The following KYAT1 variants were observed in gnomAD, a reference collection of about 807,000 sequenced individuals.
KYAT1 encodes kynurenine--oxoglutarate transaminase 1.
KYAT1 carries 47 observed loss-of-function variants against 52.4 expected under a neutral mutation model. The ratio of observed to expected loss-of-function variants is 0.90; its 90% CI spans 0.71 to 1.14. The LOEUF is 1.14. Ranked by LOEUF, KYAT1 falls within the 50% of genes most tolerant of loss-of-function variation. The probability of loss-of-function intolerance (pLI) is 0.00; values close to 1 mark genes in which losing one functional copy is unlikely to be tolerated. For synonymous variants in KYAT1, 212 were observed against 209.6 expected, an observed-to-expected ratio of 1.01 and a Z score of -0.10; for missense variants, 480 against 557.9, an observed-to-expected ratio of 0.86 and a Z score of 1.41.
intron 1 of KYAT1, among the ~76,000 whole-genome samples, chr9:128,857,145 C>T (rs1323124543): frequency 1.3e-5 from 2 of 152,268 alleles, no homozygotes; most frequent in Non-Finnish European, 2.9e-5. Context: ...CGTGCACATG[C>T]AGGCATAGTA....
At chr9:128,873,748 G>A (rs1014494811) in intron 1 of KYAT1, among the ~76,000 whole-genome samples, 1 of 151,248 alleles carries the variant, frequency 6.6e-6, no homozygotes, top group African/African-American at 2.4e-5. Context: ...TCCACAGAGC[G>A]AGACTCCATC....
At chr9:128,851,180 G>C (rs1359297899) in intron 1 of KYAT1, among the ~76,000 whole-genome samples, 2 of 152,060 alleles carry the variant, frequency 1.3e-5, no homozygotes, top group East Asian at 3.9e-4. Flanking sequence ...TCTTTTCTCA[G>C]TCTCTCATCC....
At chr9:128,867,994 C>G (rs146369610) in intron 1 of KYAT1, among the ~76,000 whole-genome samples, 3 of 152,028 alleles carry the variant, frequency 2.0e-5, no homozygotes, top group Non-Finnish European at 4.4e-5. Flanking sequence ...AGGATGGTCT[C>G]GATCTCCTGA....
At chr9:128,842,875 C>G in intron 2 of KYAT1, 74 bp from the exon 3 acceptor site, 1 of 1,498,802 alleles carries the variant, frequency 6.7e-7, no homozygotes, top group Non-Finnish European at 9.0e-7. Context: ...TTTAGAAAAA[C>G]TGGACAACCG....
rs753985342 is a variant in KYAT1, at chr9:128,838,262, C to A, written c.307G>T (p.Ala103Ser). The change falls in exon 4 of 13, where the codon GCC becomes TCC. Residue 103 changes from alanine (A) to serine (S), a missense_variant. Physicochemically the swap from Ala to Ser is moderately conservative, Grantham distance 99. Transcript: ENST00000302586. ...NVLVTVGGYG[A>S]LFTAFQALVD... is the part of the protein sequence containing the mutation. ...AGGGCCTGGAAGGCTGTGAACAGGGCCCCATAGCCACCAACAGTCACCAGC... is the reference window on the plus strand; with the variant it reads ...AGGGCCTGGAAGGCTGTGAACAGGGACCCATAGCCACCAACAGTCACCAGC... The A allele has an allele frequency of 2.5e-5, 40 of 1,614,102 alleles. No homozygotes were observed. The highest frequency in any genetic ancestry group is 2.5e-5 in the Non-Finnish European group (29 of 1,180,040).
intron 1 of KYAT1, among the ~76,000 whole-genome samples, chr9:128,879,076 C>G (rs529570563): frequency 6.6e-6 from 1 of 152,066 alleles, no homozygotes; most frequent in Non-Finnish European, 1.5e-5. Flanking sequence ...TTTGGGAGGC[C>G]GAGGTGGGCG....
intron 1 of KYAT1, among the ~76,000 whole-genome samples, chr9:128,846,287 G>A (rs947389236): frequency 3.3e-5 from 5 of 152,164 alleles, no homozygotes; most frequent in African/African-American, 1.2e-4. Context: ...AAAATTAGCT[G>A]GGCGTGGTAG....
intron 2 of KYAT1, among the ~76,000 whole-genome samples, chr9:128,844,055 G>A (rs1832683162): frequency 6.6e-6 from 1 of 152,042 alleles, no homozygotes; most frequent in Admixed American, 6.6e-5. Context: ...GGCAGAACAG[G>A]GCCCCACCAG....
At chr9:128,880,602 C>T (rs1241150157) in intron 1 of KYAT1, among the ~76,000 whole-genome samples, 32 of 152,000 alleles carry the variant, frequency 2.1e-4, no homozygotes, top group Admixed American at 1.8e-3. Context: ...CCACCACACC[C>T]GGCTAATTTT....
At chr9:128,833,927 A>G in intron 11 of KYAT1, 101 bp from the exon 12 acceptor site, 1 of 856,524 alleles carries the variant, frequency 1.2e-6, no homozygotes, top group Non-Finnish European at 1.9e-6. Flanking sequence ...GGGGAAGGAG[A>G]GTTAGCTCCA....
intron 1 of KYAT1, among the ~76,000 whole-genome samples, chr9:128,881,284 A>T (rs889705510): frequency 1.3e-5 from 2 of 151,100 alleles, no homozygotes; most frequent in African/African-American, 4.9e-5. Flanking sequence ...GGTTTCACCA[A>T]GTTAGCCAGG....
At chr9:128,846,774 G>A (rs772782189) in intron 1 of KYAT1, 1 of 1,535,606 alleles carries the variant, frequency 6.5e-7, no homozygotes, top group South Asian at 1.2e-5. Flanking sequence ...TGGTCCCTGA[G>A]GAACCTTCCG....
At chr9:128,834,744 A>C (rs562133610) in intron 11 of KYAT1, among the ~76,000 whole-genome samples, 38 of 149,020 alleles carry the variant, frequency 2.5e-4, no homozygotes, top group African/African-American at 9.0e-4. Context: ...AGGGAGGAGA[A>C]TCGCTTGAAC....
At chr9:128,858,498 G>C (rs967851786) in intron 1 of KYAT1, among the ~76,000 whole-genome samples, 4 of 148,496 alleles carry the variant, frequency 2.7e-5, no homozygotes, top group African/African-American at 7.5e-5. Flanking sequence ...AGGAGTCTGA[G>C]ACCAGCCTGA....
Position 128,862,755 on chromosome 9 carries a change from A to C in KYAT1, c.-6-17344T>G, listed in dbSNP as rs529170880. Among the ~76,000 whole-genome samples, 4 of 152,294 alleles carry C rather than the reference A, an allele frequency of 2.6e-5. No individual in the cohort carries two copies. In the South Asian group the frequency reaches 8.3e-4, roughly 32 times the overall value. On this transcript the variant is annotated intron_variant, in intron 1 of 12. Transcript: ENST00000302586. ...GGAAACCAGGATCGGCTTCCATTGC[A>C]GGGGACTGGCAGTGCATCGGGCCTA...
At chr9:128,849,108 G>C (rs1170097356) in intron 1 of KYAT1, among the ~76,000 whole-genome samples, 1 of 149,564 alleles carries the variant, frequency 6.7e-6, no homozygotes, top group African/African-American at 2.5e-5. Context: ...AAATGAGACT[G>C]TCTCAAAAAA....
At chr9:128,847,125 G>A (rs1833225427) in intron 1 of KYAT1, among the ~76,000 whole-genome samples, 1 of 152,150 alleles carries the variant, frequency 6.6e-6, no homozygotes, top group South Asian at 2.1e-4. Flanking sequence ...GTCTTCCATG[G>A]CCCAGGAACC....
intron 1 of KYAT1, among the ~76,000 whole-genome samples, chr9:128,867,189 G>C (rs1163463515): frequency 6.6e-6 from 1 of 152,064 alleles, no homozygotes; most frequent in Non-Finnish European, 1.5e-5. Flanking sequence ...TTTTTTGTTT[G>C]TTTGTTTTGA....
At chr9:128,865,641 C>T (rs947960666) in intron 1 of KYAT1, among the ~76,000 whole-genome samples, 2 of 151,784 alleles carry the variant, frequency 1.3e-5, no homozygotes, top group Admixed American at 6.6e-5. Flanking sequence ...TGATTACAGG[C>T]GTGAGCCACC....
Sources: gnomAD v4.1 joint callset for allele counts (sites outside exome capture counted in the v4.1 genomes callset) on GRCh38, gnomAD v4.1.1 for gene constraint, MANE v1.5 for transcripts, NCBI Gene and HGNC (gene_info 2026-07-23, HGNC 2026-07-21) for gene names.